Variants in HSPE1 observed in about 807,000 individuals in gnomAD.
HSPE1 encodes 10 kDa heat shock protein, mitochondrial.
HSPE1 carries 1 observed loss-of-function variant against 13.2 expected under a neutral mutation model. The observed-to-expected ratio is 0.08, with a 90% CI of 0.03 to 0.36. The LOEUF (loss-of-function observed/expected upper bound fraction) is 0.36, where lower values mean the gene tolerates loss of function less well. Ranked by LOEUF, HSPE1 falls within the 10% of genes least tolerant of loss-of-function variation. HSPE1 has a pLI of 0.99. For synonymous variants in HSPE1, 44 were observed against 42.0 expected (o/e 1.05, Z -0.19); for missense variants, 73 against 118.7 (o/e 0.62, Z 1.79).
At chr2:197,502,531 T>C (rs2086270169) in intron 2 of HSPE1, among the ~76,000 whole-genome samples, 3 of 152,126 alleles carry the variant, frequency 2.0e-5, no homozygotes, top group Non-Finnish European at 4.4e-5. Flanking sequence ...CTTTGGGGAG[T>C]GGACACTTAG....
chr2:197,501,289 A>T, intron 2 of HSPE1, 51 bp downstream of exon 2: 1 of 1,529,194 alleles, frequency 6.5e-7, no homozygotes. Context: ...AGTGGAGGGA[A>T]AAGAAGTAAT....
Position 197,503,116 on chromosome 2 carries a change from T to A in HSPE1, c.246T>A (p.Val82=). The A allele has an allele frequency of 6.2e-7, 1 of 1,603,240 alleles. No individual in the cohort carries two copies. Among genetic ancestry groups the A allele is most frequent in the African/African-American group, 1.3e-5 (1 of 74,786 alleles). Residue 82 remains valine (V), a synonymous_variant, in exon 3 of 4, where the codon GTT becomes GTA. Coordinates refer to ENST00000233893, the MANE Select transcript of HSPE1 (RefSeq NM_002157.3). The part of the protein sequence containing the change: ...LLPEYGGTKV[V]LDDKDYFLFR... Reference sequence around the variant, plus strand: ...CAGAATATGGAGGCACCAAAGTAGTTCTAGATGACAAGGTGTGTAAACTTA... The same window carrying A: ...CAGAATATGGAGGCACCAAAGTAGTACTAGATGACAAGGTGTGTAAACTTA...
intron 1 of HSPE1, 133 bp downstream of exon 1, chr2:197,500,572 C>T: frequency 7.2e-7 from 1 of 1,384,686 alleles, no homozygotes; most frequent in Admixed American, 2.0e-5. Flanking sequence ...CCGATGGCAC[C>T]TTGGAGCGGC....
At chr2:197,501,018 C>A (rs1382534027) in intron 1 of HSPE1, 56 bp from the exon 2 acceptor site, 3 of 1,589,374 alleles carry the variant, frequency 1.9e-6, no homozygotes, top group East Asian at 2.2e-5. Context: ...GTGGCGTTGC[C>A]TGTTGATAAT....
In HSPE1 at chr2:197,501,171, C is replaced by T. The variant is rs1164617455; in HGVS notation, c.101C>T (p.Pro34Leu). 1.9e-6 allele frequency: 3 copies of T among 1,614,080 alleles called. No individual in the cohort carries two copies. Among genetic ancestry groups the T allele is most frequent in the South Asian group, 2.2e-5 (2 of 91,072 alleles). The change falls in exon 2 of 4, where the codon CCA (proline) becomes CTA (leucine). Residue 34 changes from proline to leucine, a missense_variant. Transcript: ENST00000233893. ...ETVTKGGIML[P>L]EKSQGKVLQA... is the part of the protein sequence containing the mutation. ...GTAACCAAAGGAGGCATTATGCTTC[C>T]AGAAAAATCTCAAGGAAAAGTATTG...
chr2:197,500,763 G>T, intron 1 of HSPE1: 1 of 576,298 alleles, frequency 1.7e-6, no homozygotes, highest in Non-Finnish European at 3.1e-6. Context: ...GCTTGACCCA[G>T]CGTTTCCTGA....
At position 197,501,166 on chromosome 2, in the gene HSPE1, G is replaced by A; in HGVS notation, c.96G>A (p.Met32Ile). 6.2e-7 allele frequency: 1 copy of A among 1,614,162 alleles called. No individual in the cohort carries two copies. Among genetic ancestry groups the A allele is most frequent in the Non-Finnish European group, 8.5e-7 (1 of 1,180,014 alleles). Residue 32 changes from methionine (M) to isoleucine (I), a missense_variant, in exon 2 of 4, where the codon ATG (methionine) becomes ATA (isoleucine). Transcript: ENST00000233893. ...AAETVTKGGI[M>I]LPEKSQGKVL... is the part of the protein sequence containing the mutation. ...AAACTGTAACCAAAGGAGGCATTAT[G>A]CTTCCAGAAAAATCTCAAGGAAAAG... is the stretch of plus-strand genomic sequence containing the variant.
chr2:197,503,162 G>C (rs1196191815), intron 3 of HSPE1, 34 bp downstream of exon 3: 6 of 1,578,320 alleles, frequency 3.8e-6, no homozygotes, highest in Non-Finnish European at 5.2e-6. Context: ...AAAGAAGTCA[G>C]ATATTTGCAA....
At chr2:197,500,780 C>G in intron 1 of HSPE1, 1 of 575,588 alleles carries the variant, frequency 1.7e-6, no homozygotes. Context: ...CTGAAAATTT[C>G]TGGAAAAACC....
intron 2 of HSPE1, 70 bp downstream of exon 2, chr2:197,501,308 A>G (rs2086252102): frequency 1.4e-5 from 20 of 1,475,558 alleles, no homozygotes; most frequent in Non-Finnish European, 1.6e-5. Flanking sequence ...ATTCTGGAGT[A>G]TTAAAAGTCG....
At chr2:197,502,247 AT>A (rs964587745) in intron 2 of HSPE1, among the ~76,000 whole-genome samples, 4 of 151,908 alleles carry the variant, frequency 2.6e-5, no homozygotes, top group Non-Finnish European at 5.9e-5. Context: ...TTCTTTTGCA[AT>A]TTTTTTTAAG....
intron 1 of HSPE1, 159 bp downstream of exon 1, chr2:197,500,598 C>G: frequency 1.8e-6 from 2 of 1,122,442 alleles, no homozygotes; most frequent in Admixed American, 2.1e-5. Context: ...CCGCCCGACC[C>G]TTTTCTCCCC....
At chr2:197,501,705 A>AG (rs1233969458) in intron 2 of HSPE1, among the ~76,000 whole-genome samples, 3 of 150,198 alleles carry the variant, frequency 2.0e-5, no homozygotes, top group Non-Finnish European at 4.4e-5. Context: ...GGAGGTTGCA[A>AG]GGAGCCGAGG....
intron 2 of HSPE1, among the ~76,000 whole-genome samples, chr2:197,502,826 C>T (rs180731514): frequency 8.4e-4 from 128 of 152,242 alleles, no homozygotes; most frequent in African/African-American, 3.0e-3. Context: ...TTAGTTTAAG[C>T]CACTGTGTAT....
intron 1 of HSPE1, chr2:197,500,685 C>A (rs1275642227): frequency 1.6e-6 from 1 of 618,804 alleles, no homozygotes; most frequent in African/African-American, 1.8e-5. Flanking sequence ...CGCAGCGTCT[C>A]ACCTGCTTCT....
chr2:197,501,247 G>T lies in HSPE1; in HGVS notation c.168+9G>T, dbSNP rs758433207. On this transcript the variant is annotated intron_variant, in intron 2 of 3. Coordinates refer to ENST00000233893, the MANE Select transcript of HSPE1 (RefSeq NM_002157.3). ...CGGGTTCTAAAGGAAAGGTAAATGG[G>T]AGCTGCAGTGGAACTATTTTTTATA... 1.1e-5 allele frequency: 17 copies of T among 1,602,790 alleles called. No individual in the cohort carries two copies. Among genetic ancestry groups the T allele is most frequent in the Non-Finnish European group, 1.4e-5 (16 of 1,173,640 alleles).
intron 2 of HSPE1, among the ~76,000 whole-genome samples, chr2:197,501,711 C>T (rs1229120883): frequency 1.4e-5 from 2 of 146,408 alleles, no homozygotes; most frequent in Non-Finnish European, 3.0e-5. Flanking sequence ...TGCAAGGAGC[C>T]GAGGTTGCAA....
chr2:197,503,017 T>TA, intron 2 of HSPE1, 22 bp from the exon 3 acceptor site: 1 of 1,414,376 alleles, frequency 7.1e-7, no homozygotes, highest in Non-Finnish European at 9.9e-7. Context: ...TCTTTGCTAA[T>TA]AAACATCCTT....
chr2:197,501,970 A>G (rs1169583965), intron 2 of HSPE1, among the ~76,000 whole-genome samples: 1 of 152,204 alleles, frequency 6.6e-6, no homozygotes, highest in African/African-American at 2.4e-5. Flanking sequence ...CAGTCTGGGC[A>G]ACATAATGAG....
Sources: allele counts gnomAD v4.1 joint callset (sites outside exome capture counted in the v4.1 genomes callset), GRCh38; gene constraint gnomAD v4.1.1; transcripts MANE v1.5; gene names NCBI Gene and HGNC (gene_info 2026-07-23, HGNC 2026-07-21).